The following ALK variants were observed in gnomAD, a reference collection of about 807,000 sequenced individuals.
The protein encoded by ALK is ALK tyrosine kinase receptor.
Under a neutral mutation model 163.1 loss-of-function variants are expected in ALK, and 74 were observed. The ratio of observed to expected loss-of-function variants is 0.45; its 90% CI spans 0.38 to 0.55. The LOEUF (loss-of-function observed/expected upper bound fraction) is 0.55, where lower values mean the gene tolerates loss of function less well. ALK is among the 20% of genes least tolerant of loss of function. ALK has a pLI of 0.00. For missense variants in ALK, 2,063 were observed against 2,105.3 expected (o/e 0.98, Z 0.39); for synonymous variants, 960 against 843.2 (o/e 1.14, Z -2.40).
intron 5 of ALK, among the ~76,000 whole-genome samples, chr2:29,369,759 G>A (rs969958064): frequency 4.6e-5 from 7 of 152,190 alleles, no homozygotes; most frequent in African/African-American, 1.4e-4. Flanking sequence ...AGATGCAGGG[G>A]AAGGCTGTCC....
At chr2:29,426,507 T>C (rs1053913324) in intron 4 of ALK, among the ~76,000 whole-genome samples, 17 of 152,120 alleles carry the variant, frequency 1.1e-4, no homozygotes, top group Admixed American at 9.2e-4. Flanking sequence ...GGGTGGCATG[T>C]TCAAAGTGCT....
chr2:29,330,650 G>A (rs1318433969), intron 5 of ALK, among the ~76,000 whole-genome samples: 2 of 152,218 alleles, frequency 1.3e-5, no homozygotes, highest in African/African-American at 4.8e-5. Context: ...AAGAGGCTTT[G>A]CTGCTGTGAT....
chr2:29,800,707 A>AG (rs1373624617), intron 1 of ALK, among the ~76,000 whole-genome samples: 1 of 152,194 alleles, frequency 6.6e-6, no homozygotes, highest in Non-Finnish European at 1.5e-5. Flanking sequence ...CTTCTCTTTG[A>AG]GATGCAAGGA....
chr2:29,494,632 C>A (rs755568541), intron 4 of ALK, among the ~76,000 whole-genome samples: 68 of 152,148 alleles, frequency 4.5e-4, no homozygotes, highest in Non-Finnish European at 8.4e-4. Context: ...CAGCCTGGAA[C>A]ATAAAGGGGT....
chr2:29,830,879 G>A (rs374807987), intron 1 of ALK, among the ~76,000 whole-genome samples: 2 of 143,700 alleles, frequency 1.4e-5, no homozygotes, highest in East Asian at 2.1e-4. Context: ...ACTCTAGCCT[G>A]GGCAACAGAG....
chr2:29,531,190 T>C (rs1052823666), intron 4 of ALK, among the ~76,000 whole-genome samples: 4 of 152,218 alleles, frequency 2.6e-5, no homozygotes, highest in Non-Finnish European at 5.9e-5. Context: ...AGGATCCTTG[T>C]TGCTAAAGTA....
intron 3 of ALK, among the ~76,000 whole-genome samples, chr2:29,594,897 G>A (rs1180722823): frequency 1.1e-5 from 1 of 91,248 alleles, no homozygotes; most frequent in East Asian, 3.4e-4. Context: ...ACAAAAATGG[G>A]GGGTGGGGGG....
At chr2:29,733,883 G>T (rs988445556) in intron 1 of ALK, among the ~76,000 whole-genome samples, 5 of 152,100 alleles carry the variant, frequency 3.3e-5, no homozygotes, top group African/African-American at 1.2e-4. Context: ...GAAAAAAGTG[G>T]CCATGGGACA....
intron 4 of ALK, among the ~76,000 whole-genome samples, chr2:29,476,707 A>G (rs1671533843): frequency 6.6e-6 from 1 of 152,034 alleles, no homozygotes; most frequent in Non-Finnish European, 1.5e-5. Context: ...TGAGACTCAG[A>G]GCGTGTGAGG....
intron 1 of ALK, among the ~76,000 whole-genome samples, chr2:29,909,404 C>A (rs749670453): frequency 5.9e-5 from 9 of 151,618 alleles, no homozygotes; most frequent in Admixed American, 4.6e-4. Flanking sequence ...AAGGCTGAAG[C>A]AGCTCGAATT....
At chr2:29,759,299 T>C (rs895164114) in intron 1 of ALK, among the ~76,000 whole-genome samples, 2 of 152,216 alleles carry the variant, frequency 1.3e-5, no homozygotes, top group East Asian at 1.9e-4. Flanking sequence ...TAACTGTATG[T>C]TGGCTTGTAT....
chr2:29,601,564 A>C (rs375816594), intron 3 of ALK, among the ~76,000 whole-genome samples: 4 of 151,950 alleles, frequency 2.6e-5, no homozygotes, highest in African/African-American at 4.8e-5. Context: ...GTACCAGTGG[A>C]TTTTTTCTTC....
At chr2:29,475,691 C>T (rs780671907) in intron 4 of ALK, among the ~76,000 whole-genome samples, 18 of 152,148 alleles carry the variant, frequency 1.2e-4, no homozygotes, top group Non-Finnish European at 2.5e-4. Context: ...GTCCTGGCCT[C>T]TCAGTCAAAG....
chr2:29,387,807 G>A (rs1669068644), intron 4 of ALK, among the ~76,000 whole-genome samples: 1 of 152,188 alleles, frequency 6.6e-6, no homozygotes, highest in South Asian at 2.1e-4. Flanking sequence ...CCTTGGAGAA[G>A]TGAAGTCTTG....
At chr2:29,694,755 C>T in intron 3 of ALK, 95 bp downstream of exon 3, 1 of 1,499,738 alleles carries the variant, frequency 6.7e-7, no homozygotes, top group South Asian at 1.1e-5. Context: ...GTAAACAGAG[C>T]AGAACAGGAG....
chr2:29,814,449 A>C (rs1340092631), intron 1 of ALK, among the ~76,000 whole-genome samples: 3 of 151,976 alleles, frequency 2.0e-5, no homozygotes, highest in Admixed American at 1.3e-4. Context: ...TCACGAGGTC[A>C]GGAGATCGAG....
chr2:29,245,334 G>T (rs2148192531), intron 12 of ALK, among the ~76,000 whole-genome samples: 1 of 138,144 alleles, frequency 7.2e-6, no homozygotes, highest in East Asian at 2.3e-4. Context: ...GGGCTCCATG[G>T]CTCAGTGCCC....
At chr2:29,251,828 T>C (rs1664822985) in intron 11 of ALK, among the ~76,000 whole-genome samples, 1 of 152,218 alleles carries the variant, frequency 6.6e-6, no homozygotes, top group Non-Finnish European at 1.5e-5. Context: ...AGCTCGGTGA[T>C]GCTACATTGG....
chr2:29,518,604 C>T (rs76499032), intron 4 of ALK, among the ~76,000 whole-genome samples: 5,933 of 152,206 alleles, frequency 0.039, 363 homozygotes, highest in African/African-American at 0.13. Flanking sequence ...GCCACATCAG[C>T]GGGTGGAGGT....
Sources: gnomAD v4.1 joint callset for allele counts (sites outside exome capture counted in the v4.1 genomes callset) on GRCh38, gnomAD v4.1.1 for gene constraint, MANE v1.5 for transcripts, NCBI Gene and HGNC (gene_info 2026-07-23, HGNC 2026-07-21) for gene names.